Variants in PTCD1 observed in about 807,000 individuals in gnomAD.
PTCD1 encodes pentatricopeptide repeat-containing protein 1, mitochondrial.
In PTCD1, 50 loss-of-function variants were observed where a neutral mutation model predicts 53.4. The observed-to-expected ratio is 0.94, with a 90% CI of 0.75 to 1.19. The LOEUF (loss-of-function observed/expected upper bound fraction) is 1.19. Among genes scored for constraint, PTCD1 ranks in the 50% most tolerant of loss-of-function variants. The pLI is 0.00. For missense variants in PTCD1, 918 were observed against 904.8 expected, an observed-to-expected ratio of 1.01 and a Z score of -0.19; for synonymous variants, 413 against 394.8, an observed-to-expected ratio of 1.05 and a Z score of -0.55.
intron 1 of PTCD1, 147 bp from the exon 2 acceptor site, chr7:99,435,415 T>A: frequency 9.6e-7 from 1 of 1,040,378 alleles, no homozygotes; most frequent in South Asian, 1.6e-5. Context: ...GAGGCTGGCA[T>A]ATCACTTGAG....
Position 99,420,086 on chromosome 7 carries a change from G to A in PTCD1, c.1984C>T (p.Leu662=), listed in dbSNP as rs146905779. Reference sequence around the variant, plus strand: ...GTTTCCTCTGCGGGCATCACTGTCAGCCACTGCTTGTAATAGGCTCGGAAG... The same window carrying A: ...GTTTCCTCTGCGGGCATCACTGTCAACCACTGCTTGTAATAGGCTCGGAAG... ...DGFRAYYKQW[L]TVMPAEETPH... is the part of the protein sequence containing the mutation. Residue 662 remains leucine, a synonymous_variant, in exon 8 of 8, where the codon CTG becomes TTG. Transcript: ENST00000292478. 7.4e-6 allele frequency: 12 copies of A among 1,614,092 alleles called. No individual in the cohort carries two copies. The African/African-American group carries it at 1.6e-4, about 22-fold the overall frequency.
intron 5 of PTCD1, among the ~76,000 whole-genome samples, chr7:99,428,346 T>C (rs1231363215): frequency 2.2e-5 from 3 of 138,508 alleles, no homozygotes; most frequent in South Asian, 2.2e-4. Flanking sequence ...GAGCTTGCAG[T>C]GAGCCGAGAT....
chr7:99,427,887 A>G (rs28419687), intron 5 of PTCD1, among the ~76,000 whole-genome samples: 1 of 150,566 alleles, frequency 6.6e-6, no homozygotes, highest in Non-Finnish European at 1.5e-5. Context: ...GTGCTTTGTT[A>G]AACAGATGCT....
chr7:99,434,697 C>T (rs1342817986), intron 2 of PTCD1, 93 bp downstream of exon 2: 2 of 1,553,902 alleles, frequency 1.3e-6, no homozygotes, highest in East Asian at 2.2e-5. Context: ...AGGCCCAAAA[C>T]TTAGAGGCTG....
rs1795621736 is a variant in PTCD1 at position 99,418,302 on chromosome 7, G to A, written c.*1665C>T. The A allele has an allele frequency of 6.2e-6, 1 of 162,462 alleles. No homozygotes were observed. The highest frequency in any genetic ancestry group is 2.4e-5 in the African/African-American group (1 of 41,472). 10.1% of individuals were successfully genotyped at this position (162,462 alleles called of 1,614,324 possible). ...CTTCTTTCAGAACTTTCTGTTCCAA[G>A]TACCACTCCTAGGCCAGGCGCCTCA... On this transcript the variant is annotated 3_prime_UTR_variant, in exon 8 of 8. Coordinates refer to ENST00000292478, the MANE Select transcript of PTCD1 (RefSeq NM_015545.4).
chr7:99,429,245 C>T, intron 4 of PTCD1, 41 bp from the exon 5 acceptor site: 1 of 1,609,546 alleles, frequency 6.2e-7, no homozygotes, highest in South Asian at 1.1e-5. Context: ...GAACCTGCAG[C>T]AGGCTGGGCA....
chr7:99,417,563 A>G lies in PTCD1; in HGVS notation c.*2404T>C, dbSNP rs745396926. The stretch of plus-strand genomic sequence containing the variant: ...GGACACCAACTTCGGGACGAACTGC[A>G]TCTGCCGCGTGCCCAAAAGCAAGCT... On this transcript the variant is annotated 3_prime_UTR_variant, in exon 8 of 8. Transcript: ENST00000292478. 3.1e-6 allele frequency: 5 copies of G among 1,612,950 alleles called. No homozygotes were observed. The Admixed American group carries it at 6.7e-5, about 21-fold the overall frequency.
rs1277454238 is a variant in PTCD1 at position 99,418,126 on chromosome 7, CCTGG to C, written c.*1837_*1840del. 3.1e-6 allele frequency: 1 copy of C among 324,626 alleles called. No individual in the cohort carries two copies. Among genetic ancestry groups the C allele is most frequent in the Non-Finnish European group, 4.7e-6 (1 of 214,116 alleles). 20.1% of individuals were successfully genotyped at this position (324,626 alleles called of 1,614,324 possible). On this transcript the variant is annotated 3_prime_UTR_variant, in exon 8 of 8. Transcript: ENST00000292478. ...GGGACTACAGGCATGCACCACCACG[CCTGG>C]CTAATTTTGTATTTTTAGTAGAGAC... is the stretch of plus-strand genomic sequence containing the variant.
In PTCD1 at chr7:99,419,806, C is replaced by A; in HGVS notation, c.*161G>T. On this transcript the variant is annotated 3_prime_UTR_variant, in exon 8 of 8. Transcript: ENST00000292478. ...CACTTGGACCTGCTGGGAGCACAGG[C>A]ACCTTGGGCCTAGTGTGTGTCCTCA... 8.1e-7 allele frequency: 1 copy of A among 1,233,054 alleles called. No homozygotes were observed. The highest frequency in any genetic ancestry group is 1.1e-6 in the Non-Finnish European group (1 of 889,840). 76.4% of individuals were successfully genotyped at this position (1,233,054 alleles called of 1,614,324 possible).
At chr7:99,425,638 T>G (rs2150950514) in intron 5 of PTCD1, 22 bp from the exon 6 acceptor site, 1 of 1,596,162 alleles carries the variant, frequency 6.3e-7, no homozygotes, top group East Asian at 2.3e-5. Context: ...GAGACAAACG[T>G]CAGCTGGGTG....
At position 99,417,629 on chromosome 7, in the gene PTCD1, C is replaced by T; in HGVS notation, c.*2338G>A. The T allele has an allele frequency of 6.2e-7, 1 of 1,606,348 alleles. No individual in the cohort carries two copies. ...TGACACTCAAGCTTGGTGTTGTTTT[C>T]AGCTCAAAATTCTGCCTTAGTCGAC... On this transcript the variant is annotated 3_prime_UTR_variant, in exon 8 of 8. Coordinates refer to ENST00000292478, the MANE Select transcript of PTCD1 (RefSeq NM_015545.4).
intron 7 of PTCD1, among the ~76,000 whole-genome samples, chr7:99,420,786 A>C (rs943736346): frequency 4.9e-4 from 75 of 152,074 alleles, no homozygotes; most frequent in Non-Finnish European, 5.4e-4. Flanking sequence ...GTGAAACTCC[A>C]TCTCTACTAA....
Position 99,424,954 on chromosome 7 carries a change from C to G in PTCD1, c.1578G>C (p.Leu526=), listed in dbSNP as rs200039108. Residue 526 remains leucine (L), a synonymous_variant, in exon 6 of 8, where the codon CTG becomes CTC. Coordinates refer to ENST00000292478, the MANE Select transcript of PTCD1 (RefSeq NM_015545.4). ...CTCCCAGCTTGCTCTTCTTTCTCAC[C>G]AGCGTGTTAAAGAATGTCAGGTCGG... ...VEADLTFFNT[L]VRKKSKLGDL... is the part of the protein sequence containing the mutation. 127 of 1,614,250 alleles carry G rather than the reference C, an allele frequency of 7.9e-5. No individual in the cohort carries two copies. The highest frequency in any genetic ancestry group is 1.0e-4 in the Non-Finnish European group (120 of 1,180,048).
At chr7:99,425,807 C>T (rs969124032) in intron 5 of PTCD1, among the ~76,000 whole-genome samples, 191 bp from the exon 6 acceptor site, 2 of 152,188 alleles carry the variant, frequency 1.3e-5, no homozygotes, top group African/African-American at 4.8e-5. Context: ...TGGCTCACGC[C>T]TGTAATCCCA....
At chr7:99,430,458 T>C (rs562277415) in intron 3 of PTCD1, among the ~76,000 whole-genome samples, 2 of 152,336 alleles carry the variant, frequency 1.3e-5, no homozygotes, top group South Asian at 2.1e-4. Flanking sequence ...AGGCAGGCGA[T>C]AGGCAGCTCA....
intron 7 of PTCD1, among the ~76,000 whole-genome samples, chr7:99,422,155 C>G (rs1036817817): frequency 2.0e-5 from 3 of 152,192 alleles, no homozygotes; most frequent in Non-Finnish European, 4.4e-5. Flanking sequence ...GTTCAAAGCA[C>G]AGACACAGTT....
intron 1 of PTCD1, among the ~76,000 whole-genome samples, chr7:99,437,158 GC>G (rs1160173717): frequency 6.6e-6 from 1 of 152,126 alleles, no homozygotes; most frequent in Admixed American, 6.6e-5. Flanking sequence ...AAGCCTCCAT[GC>G]CCTGCCTTAC....
chr7:99,422,356 G>A (rs561098791), intron 7 of PTCD1, among the ~76,000 whole-genome samples: 1 of 152,244 alleles, frequency 6.6e-6, no homozygotes, highest in Admixed American at 6.5e-5. Context: ...AAGCCATAGT[G>A]GCTCTCGATG....
intron 5 of PTCD1, among the ~76,000 whole-genome samples, chr7:99,426,616 A>T (rs1796035879): frequency 6.6e-6 from 1 of 151,508 alleles, no homozygotes; most frequent in Non-Finnish European, 1.5e-5. Context: ...GGAAGTGAGG[A>T]GCGTCTCTGC....
Sources: gnomAD v4.1 joint callset for allele counts (sites outside exome capture counted in the v4.1 genomes callset) on GRCh38, gnomAD v4.1.1 for gene constraint, MANE v1.5 for transcripts, NCBI Gene and HGNC (gene_info 2026-07-23, HGNC 2026-07-21) for gene names.